UNC5C: variants seen among roughly 807,000 people sequenced by gnomAD.
UNC5C encodes unc-5 netrin receptor C, also known as netrin receptor UNC5C.
UNC5C carries 47 observed loss-of-function variants against 99.8 expected under a neutral mutation model. The observed-to-expected ratio is 0.47, with a 90% CI of 0.37 to 0.60. The LOEUF (loss-of-function observed/expected upper bound fraction) is 0.60. UNC5C is among the 20% of genes least tolerant of loss of function. The pLI is 0.00. For synonymous variants in UNC5C, 487 were observed against 452.2 expected (o/e 1.08, Z -0.98); for missense variants, 1,062 against 1,165.9 (o/e 0.91, Z 1.30).
intron 1 of UNC5C, among the ~76,000 whole-genome samples, chr4:95,358,818 A>G (rs1744294501): frequency 1.3e-5 from 2 of 152,186 alleles, no homozygotes; most frequent in South Asian, 2.1e-4. Flanking sequence ...GAAGTGAGCT[A>G]TTTTTATAAG....
At chr4:95,485,340 T>C (rs1721294433) in intron 1 of UNC5C, among the ~76,000 whole-genome samples, 1 of 151,782 alleles carries the variant, frequency 6.6e-6, no homozygotes, top group Admixed American at 6.6e-5. Context: ...GTTAAAGATG[T>C]GCCTAAATTG....
rs991675429 is a variant in UNC5C at position 95,340,093 on chromosome 4, C to T, written c.125-4462G>A. Reference sequence around the variant, plus strand: ...ATACCCAAGAAGAGAAAGCTTTTCACCATGTATTATTTTTATAGACTTTCA... The same window carrying T: ...ATACCCAAGAAGAGAAAGCTTTTCATCATGTATTATTTTTATAGACTTTCA... On this transcript the variant is annotated intron_variant, in intron 1 of 15. Transcript: ENST00000453304. Among the ~76,000 whole-genome samples, 4 of 152,046 alleles carry T rather than the reference C, an allele frequency of 2.6e-5. No homozygotes were observed. In the East Asian group the frequency reaches 5.8e-4, roughly 22 times the overall value.
Position 95,425,742 on chromosome 4 carries a change from C to T in UNC5C, c.125-90111G>A, listed in dbSNP as rs555534040. On this transcript the variant is annotated intron_variant, in intron 1 of 15. Coordinates refer to ENST00000453304, the MANE Select transcript of UNC5C (RefSeq NM_003728.4). ...CAAAGAAATTGATTAAAAATGATTTCTTAGTAGTTATTTAAATACATATAT... is the reference window on the plus strand; with the variant it reads ...CAAAGAAATTGATTAAAAATGATTTTTTAGTAGTTATTTAAATACATATAT... Among the ~76,000 whole-genome samples, 22 of 152,192 alleles carry T rather than the reference C, an allele frequency of 1.4e-4. No homozygotes were observed. In the South Asian group the frequency reaches 4.6e-3, roughly 32 times the overall value.
intron 1 of UNC5C, among the ~76,000 whole-genome samples, chr4:95,518,027 T>G (rs1363529037): frequency 1.3e-5 from 2 of 152,160 alleles, no homozygotes; most frequent in Non-Finnish European, 2.9e-5. Flanking sequence ...TGGATCACAT[T>G]ATGGCAGATT....
intron 3 of UNC5C, among the ~76,000 whole-genome samples, chr4:95,294,761 A>T (rs1214362080): frequency 6.6e-6 from 1 of 152,240 alleles, no homozygotes; most frequent in Non-Finnish European, 1.5e-5. Context: ...TTCAAAATAA[A>T]CATATAAAGT....
intron 11 of UNC5C, among the ~76,000 whole-genome samples, chr4:95,204,645 CAGTCTCTGCACTGT>C (rs1402352391): frequency 6.6e-6 from 1 of 152,224 alleles, no homozygotes; most frequent in African/African-American, 2.4e-5. Flanking sequence ...GAGCATGAGT[CAGTCTCTGCACTGT>C]CAGAGACAAG....
At chr4:95,374,654 A>G (rs1243260302) in intron 1 of UNC5C, among the ~76,000 whole-genome samples, 1 of 152,134 alleles carries the variant, frequency 6.6e-6, no homozygotes, top group East Asian at 1.9e-4. Context: ...ATAATCTAGA[A>G]GAGAAGGTAG....
At chr4:95,387,029 A>T (rs1745230380) in intron 1 of UNC5C, among the ~76,000 whole-genome samples, 1 of 152,120 alleles carries the variant, frequency 6.6e-6, no homozygotes, top group Non-Finnish European at 1.5e-5. Flanking sequence ...CTGGAAGAAA[A>T]AATATCCATT....
intron 1 of UNC5C, among the ~76,000 whole-genome samples, chr4:95,536,595 A>T (rs1445808279): frequency 6.6e-6 from 1 of 152,212 alleles, no homozygotes; most frequent in Non-Finnish European, 1.5e-5. Flanking sequence ...GATGTGTGTA[A>T]ATTTATTGTG....
At chr4:95,203,044 T>G in intron 11 of UNC5C, 80 bp from the exon 12 acceptor site, 2 of 1,289,378 alleles carry the variant, frequency 1.6e-6, no homozygotes, top group Non-Finnish European at 2.2e-6. Context: ...GAATGGTGAG[T>G]AGAGCAGGAC....
chr4:95,341,452 TAAGAAAGAGAGA>T lies in UNC5C; in HGVS notation c.125-5833_125-5822del, dbSNP rs1161092147. Among the ~76,000 whole-genome samples the T allele has an allele frequency of 1.1e-4, 14 of 124,180 alleles. No individual in the cohort carries two copies. The South Asian group carries it at 1.3e-3, about 12-fold the overall frequency. The allele number at this position is 124,180 out of a possible 152,430, so 81.5% of individuals were successfully genotyped here. A position where few individuals can be genotyped will look rare whatever the true frequency, so the allele number is the denominator to read the frequency against. On this transcript the variant is annotated intron_variant, in intron 1 of 15. Coordinates refer to ENST00000453304, the MANE Select transcript of UNC5C (RefSeq NM_003728.4). ...GTGTAGAATTATACCATTTTTTTTA[TAAGAAAGAGAGA>T]AAGAAAGAAGAAAGAGAGAGAAAGA... is the stretch of plus-strand genomic sequence containing the variant.
At chr4:95,319,455 T>A (rs1175548517) in intron 2 of UNC5C, among the ~76,000 whole-genome samples, 1 of 152,222 alleles carries the variant, frequency 6.6e-6, no homozygotes, top group South Asian at 2.1e-4. Context: ...TCAGAATTGC[T>A]TTTCATTGCA....
chr4:95,206,902 C>T (rs796804794), intron 10 of UNC5C, 106 bp from the exon 11 acceptor site: 3,964 of 509,508 alleles, frequency 7.8e-3, no homozygotes, highest in Middle Eastern at 0.019. Flanking sequence ...TCCTGGAATT[C>T]TTTTTTTTTT....
At chr4:95,286,250 A>T (rs1268685093) in intron 3 of UNC5C, among the ~76,000 whole-genome samples, 2 of 152,210 alleles carry the variant, frequency 1.3e-5, no homozygotes, top group Non-Finnish European at 2.9e-5. Context: ...ATTGAAGGTG[A>T]TGTTTCATAA....
At chr4:95,216,903 C>G (rs539413941) in intron 9 of UNC5C, among the ~76,000 whole-genome samples, 1 of 152,278 alleles carries the variant, frequency 6.6e-6, no homozygotes, top group South Asian at 2.1e-4. Context: ...TGGTCCCTAC[C>G]CCGAGTTTCT....
rs1579191299 is a variant in UNC5C at position 95,168,896 on chromosome 4, A to C, written c.*338T>G. 4.9e-6 allele frequency: 1 copy of C among 202,488 alleles called. No individual in the cohort carries two copies. Among genetic ancestry groups the C allele is most frequent in the East Asian group, 1.1e-4 (1 of 9,010 alleles). 12.5% of individuals were successfully genotyped at this position (202,488 alleles called of 1,614,324 possible). A position where few individuals can be genotyped will look rare whatever the true frequency, so the allele number is the denominator to read the frequency against. ...ATTTGTAGAAATTGGGTTTGTTAAGAAAGTTTATCCATATATCTGGATAGC... is the reference window on the plus strand; with the variant it reads ...ATTTGTAGAAATTGGGTTTGTTAAGCAAGTTTATCCATATATCTGGATAGC... On this transcript the variant is annotated 3_prime_UTR_variant, in exon 16 of 16. Coordinates refer to ENST00000453304, the MANE Select transcript of UNC5C (RefSeq NM_003728.4).
At chr4:95,424,847 T>C (rs533054923) in intron 1 of UNC5C, among the ~76,000 whole-genome samples, 266 of 152,026 alleles carry the variant, frequency 1.7e-3, no homozygotes, top group African/African-American at 6.2e-3. Context: ...ATGAGGAAAC[T>C]GAGGCACAGG....
At chr4:95,195,898 CCAT>C (rs1737360204) in intron 12 of UNC5C, among the ~76,000 whole-genome samples, 1 of 148,698 alleles carries the variant, frequency 6.7e-6, no homozygotes, top group Admixed American at 6.6e-5. Context: ...CCCAATGAGT[CCAT>C]CAAAAAAAAA....
chr4:95,520,421 T>A (rs1460250814), intron 1 of UNC5C, among the ~76,000 whole-genome samples: 1 of 152,060 alleles, frequency 6.6e-6, no homozygotes, highest in Non-Finnish European at 1.5e-5. Context: ...CCAAAATGCA[T>A]AATGGTGAAA....
Sources: gnomAD v4.1 joint callset for allele counts (sites outside exome capture counted in the v4.1 genomes callset) on GRCh38, gnomAD v4.1.1 for gene constraint, MANE v1.5 for transcripts, NCBI Gene and HGNC (gene_info 2026-07-23, HGNC 2026-07-21) for gene names.